PARD3: variants seen among roughly 807,000 people sequenced by gnomAD.
PARD3 encodes the protein par-3 family cell polarity regulator.
A neutral mutation model predicts 155.4 loss-of-function variants in PARD3; 75 were observed. The ratio of observed to expected loss-of-function variants is 0.48; its 90% confidence interval spans 0.40 to 0.58. PARD3 has a LOEUF of 0.58. Ranked by LOEUF, PARD3 falls within the 20% of genes least tolerant of loss-of-function variation. PARD3 has a pLI of 0.00. For synonymous variants in PARD3, 576 were observed against 610.5 expected (o/e 0.94, Z 0.83); for missense variants, 1,642 against 1,721.7 (o/e 0.95, Z 0.82).
chr10:34,678,071 T>C (rs1590598042), intron 2 of PARD3, among the ~76,000 whole-genome samples: 2 of 152,140 alleles, frequency 1.3e-5, no homozygotes, highest in Middle Eastern at 3.4e-3. Context: ...TTTATTTATT[T>C]ATTTAATTTA....
intron 5 of PARD3, among the ~76,000 whole-genome samples, chr10:34,430,594 G>A (rs756234008): frequency 6.6e-6 from 1 of 152,072 alleles, no homozygotes. Context: ...CCATGAAATC[G>A]GTTCTATCAT....
At chr10:34,761,264 A>G (rs1334977772) in intron 1 of PARD3, among the ~76,000 whole-genome samples, 1 of 152,046 alleles carries the variant, frequency 6.6e-6, no homozygotes, top group Non-Finnish European at 1.5e-5. Flanking sequence ...TACAAAAATT[A>G]GCCAGGTGTG....
At chr10:34,265,478 T>C (rs1955255512) in intron 22 of PARD3, among the ~76,000 whole-genome samples, 1 of 152,138 alleles carries the variant, frequency 6.6e-6, no homozygotes, top group Non-Finnish European at 1.5e-5. Flanking sequence ...CCAGAACAGA[T>C]GCAGGCTACA....
intron 22 of PARD3, among the ~76,000 whole-genome samples, chr10:34,224,613 G>C (rs963079394): frequency 2.6e-5 from 4 of 152,200 alleles, no homozygotes; most frequent in African/African-American, 9.6e-5. Context: ...GGAAAACTTA[G>C]GTGCCATAAC....
At position 34,314,927 on chromosome 10, in the gene PARD3, C is replaced by T. The variant is rs1037918394; in HGVS notation, c.3065+2180G>A. On this transcript the variant is annotated intron_variant, in intron 20 of 24. Transcript: ENST00000374788. The stretch of plus-strand genomic sequence containing the variant: ...AATTGATCAATTGGCTCTCACCAGC[C>T]AAGGTGGGCTGATTCCAATAAACCA... 5.3e-5 allele frequency among the ~76,000 whole-genome samples: 8 copies of T among 152,094 alleles called. No homozygotes were observed. In the East Asian group the frequency reaches 1.3e-3, roughly 26 times the overall value.
At chr10:34,681,233 C>T (rs961088282) in intron 2 of PARD3, among the ~76,000 whole-genome samples, 1 of 152,010 alleles carries the variant, frequency 6.6e-6, no homozygotes, top group South Asian at 2.1e-4. Context: ...GCCCATAAAA[C>T]ACAAGCCACT....
chr10:34,473,581 G>A (rs908660091), intron 3 of PARD3, among the ~76,000 whole-genome samples: 11 of 152,112 alleles, frequency 7.2e-5, no homozygotes, highest in Non-Finnish European at 1.5e-4. Context: ...TAGTCCTAGT[G>A]TAGGAGGCAG....
At chr10:34,772,174 G>T (rs868019053) in intron 1 of PARD3, among the ~76,000 whole-genome samples, 1 of 152,094 alleles carries the variant, frequency 6.6e-6, no homozygotes, top group African/African-American at 2.4e-5. Flanking sequence ...TGTAATCCCC[G>T]GACTTTGGGA....
intron 14 of PARD3, among the ~76,000 whole-genome samples, chr10:34,349,255 T>C (rs1426838654): frequency 2.6e-5 from 4 of 152,146 alleles, no homozygotes; most frequent in Non-Finnish European, 4.4e-5. Context: ...AATGAGATAT[T>C]TAATGAAGTT....
At chr10:34,813,229 T>C (rs1349312587) in intron 1 of PARD3, among the ~76,000 whole-genome samples, 1 of 152,206 alleles carries the variant, frequency 6.6e-6, no homozygotes, top group African/African-American at 2.4e-5. Flanking sequence ...CACATAAAAT[T>C]AGTAAAGTGA....
At chr10:34,138,111 A>G (rs1012257379) in intron 22 of PARD3, among the ~76,000 whole-genome samples, 2 of 152,236 alleles carry the variant, frequency 1.3e-5, no homozygotes, top group African/African-American at 4.8e-5. Flanking sequence ...ATGTTGTTAG[A>G]AGAGTGGAAT....
Position 34,656,359 on chromosome 10 carries a change from G to T in PARD3, c.222+39959C>A, listed in dbSNP as rs543742342. On this transcript the variant is annotated intron_variant, in intron 2 of 24. Transcript: ENST00000374788. ...AAAGGTTTTAAATATTGCTACTAAA[G>T]ATGTAATTATAGATGCTCAAGTTTT... is the stretch of plus-strand genomic sequence containing the variant. Among the ~76,000 whole-genome samples the T allele has an allele frequency of 2.0e-5, 3 of 152,258 alleles. No individual in the cohort carries two copies. The South Asian group carries it at 6.2e-4, about 32-fold the overall frequency.
At chr10:34,798,527 A>C (rs958388831) in intron 1 of PARD3, among the ~76,000 whole-genome samples, 2 of 152,026 alleles carry the variant, frequency 1.3e-5, no homozygotes, top group Admixed American at 6.5e-5. Flanking sequence ...CAACATGGTG[A>C]AACTGCATCT....
At chr10:34,609,385 G>T (rs2090712812) in intron 2 of PARD3, among the ~76,000 whole-genome samples, 1 of 152,150 alleles carries the variant, frequency 6.6e-6, no homozygotes, top group South Asian at 2.1e-4. Flanking sequence ...TGTAAAAATG[G>T]AAATTTCAAA....
At chr10:34,414,425 C>T (rs559364031) in intron 5 of PARD3, among the ~76,000 whole-genome samples, 1 of 152,210 alleles carries the variant, frequency 6.6e-6, no homozygotes, top group East Asian at 1.9e-4. Flanking sequence ...GGCCTTGCAA[C>T]TTGGATAGGA....
At chr10:34,454,776 T>C (rs917593015) in intron 4 of PARD3, among the ~76,000 whole-genome samples, 3 of 152,200 alleles carry the variant, frequency 2.0e-5, no homozygotes, top group African/African-American at 7.2e-5. Flanking sequence ...ATCAGGGATC[T>C]TCCTTATCAT....
chr10:34,608,317 G>A (rs1395175388), intron 2 of PARD3, among the ~76,000 whole-genome samples: 6 of 152,044 alleles, frequency 3.9e-5, no homozygotes, highest in East Asian at 1.9e-4. Context: ...TCTTGACAAC[G>A]TATATAGCGT....
At chr10:34,453,911 T>C (rs939018482) in intron 4 of PARD3, among the ~76,000 whole-genome samples, 1 of 152,232 alleles carries the variant, frequency 6.6e-6, no homozygotes, top group Non-Finnish European at 1.5e-5. Context: ...CAATTTTATA[T>C]TTGTGGAATC....
chr10:34,469,952 G>T, intron 4 of PARD3, 133 bp downstream of exon 4: 2 of 602,562 alleles, frequency 3.3e-6, no homozygotes, highest in Non-Finnish European at 5.6e-6. Flanking sequence ...TATGAAAGTT[G>T]GTACCACGCT....
Sources: allele counts gnomAD v4.1 joint callset (sites outside exome capture counted in the v4.1 genomes callset), GRCh38; gene constraint gnomAD v4.1.1; transcripts MANE v1.5; gene names NCBI Gene and HGNC (gene_info 2026-07-23, HGNC 2026-07-21).